OGA: variants seen among roughly 807,000 people sequenced by gnomAD.
OGA encodes O-GlcNAcase.
Under a neutral mutation model 102.0 loss-of-function variants are expected in OGA, and 21 were observed. That is an observed-to-expected ratio of 0.21 (90% CI 0.15 to 0.30). OGA has a LOEUF of 0.30. OGA is among the 10% of genes least tolerant of loss of function. OGA has a pLI of 1.00. For missense variants in OGA, 765 were observed against 1,107.8 expected, an observed-to-expected ratio of 0.69 and a Z score of 4.39; for synonymous variants, 408 against 378.2, an observed-to-expected ratio of 1.08 and a Z score of -0.91.
At chr10:101,809,201 G>C (rs2065516005) in intron 4 of OGA, among the ~76,000 whole-genome samples, 1 of 152,112 alleles carries the variant, frequency 6.6e-6, no homozygotes, top group Admixed American at 6.6e-5. Flanking sequence ...AAGCAGCCTA[G>C]GGTATATATA....
At chr10:101,814,516 G>A (rs1233524773) in intron 1 of OGA, among the ~76,000 whole-genome samples, 2 of 152,170 alleles carry the variant, frequency 1.3e-5, no homozygotes, top group Admixed American at 1.3e-4. Flanking sequence ...TTGAATCCAG[G>A]AGGCGGAGGC....
At position 101,785,502 on chromosome 10, in the gene OGA, G is replaced by C. The variant is rs1021628047; in HGVS notation, c.*949C>G. Reference sequence around the variant, plus strand: ...GACCTAATATTGAGGTTAATTTCCAGAAGTAACTGCACTTTTCAACAGATT... The same window carrying C: ...GACCTAATATTGAGGTTAATTTCCACAAGTAACTGCACTTTTCAACAGATT... On this transcript the variant is annotated 3_prime_UTR_variant, in exon 16 of 16. Transcript: ENST00000361464. 6.6e-6 allele frequency: 1 copy of C among 152,600 alleles called. No homozygotes were observed. Among genetic ancestry groups the C allele is most frequent in the African/African-American group, 2.4e-5 (1 of 41,446 alleles). 9.5% of individuals were successfully genotyped at this position (152,600 alleles called of 1,614,324 possible).
chr10:101,812,586 A>C (rs1016321410), intron 3 of OGA, among the ~76,000 whole-genome samples: 1 of 152,242 alleles, frequency 6.6e-6, no homozygotes, highest in Non-Finnish European at 1.5e-5. Context: ...AGCATTGTGT[A>C]CATCATGAAT....
intron 4 of OGA, 32 bp from the exon 5 acceptor site, chr10:101,807,933 TA>T (rs1025144852): frequency 2.1e-6 from 3 of 1,430,538 alleles, no homozygotes; most frequent in East Asian, 2.5e-5. Context: ...GAATCAAGAG[TA>T]AAAAAATTAA....
At chr10:101,790,147 A>T (rs1234695096) in intron 14 of OGA, among the ~76,000 whole-genome samples, 1 of 152,164 alleles carries the variant, frequency 6.6e-6, no homozygotes, top group Non-Finnish European at 1.5e-5. Context: ...CTTATTTTTA[A>T]ATCACAATGT....
At chr10:101,816,542 C>A (rs2065627560) in intron 1 of OGA, among the ~76,000 whole-genome samples, 1 of 152,202 alleles carries the variant, frequency 6.6e-6, no homozygotes, top group Non-Finnish European at 1.5e-5. Context: ...TCTCTCATCC[C>A]CACTCCAAGA....
rs1017200477 is a variant in OGA, at chr10:101,818,346, G to A, written c.-324C>T. 2.7e-6 allele frequency: 3 copies of A among 1,118,868 alleles called. No individual in the cohort carries two copies. Among genetic ancestry groups the A allele is most frequent in the African/African-American group, 1.6e-5 (1 of 61,238 alleles). The allele number at this position is 1,118,868 out of a possible 1,614,324, so 69.3% of individuals were successfully genotyped here. A position where few individuals can be genotyped will look rare whatever the true frequency, so the allele number is the denominator to read the frequency against. ...GGTCCTGTCCTCGTTCTCTGCCTCT[G>A]CTGCCCTCCCGATAATCTTAGGTCT... On this transcript the variant is annotated 5_prime_UTR_variant, in exon 1 of 16. Transcript: ENST00000361464.
chr10:101,795,822 T>TA (rs1198491202), intron 10 of OGA: 1 of 796,532 alleles, frequency 1.3e-6, no homozygotes, highest in Non-Finnish European at 1.5e-6. Flanking sequence ...AAATAAAAAA[T>TA]AAAAAAACTC....
intron 2 of OGA, 38 bp downstream of exon 2, chr10:101,813,517 T>C (rs572341075): frequency 1.5e-6 from 2 of 1,310,254 alleles, no homozygotes; most frequent in African/African-American, 1.5e-5. Context: ...GTTAAGAGTT[T>C]AAGGTTCTCC....
intron 10 of OGA, chr10:101,796,897 G>A (rs532649109): frequency 6.6e-6 from 1 of 151,904 alleles, no homozygotes; most frequent in African/African-American, 2.4e-5. Flanking sequence ...AAGCTATACA[G>A]AGCCTTTTAA....
At chr10:101,812,403 G>T (rs1193445115) in intron 3 of OGA, among the ~76,000 whole-genome samples, 1 of 151,918 alleles carries the variant, frequency 6.6e-6, no homozygotes, top group Non-Finnish European at 1.5e-5. Context: ...GCAAGACTCT[G>T]TCTCAAAAAA....
At chr10:101,789,829 T>G (rs1295181518) in intron 14 of OGA, among the ~76,000 whole-genome samples, 1 of 152,022 alleles carries the variant, frequency 6.6e-6, no homozygotes, top group Non-Finnish European at 1.5e-5. Context: ...TACAAAAAAG[T>G]TAGCTGATGC....
chr10:101,787,661 C>A, intron 14 of OGA, 138 bp from the exon 15 acceptor site: 1 of 693,444 alleles, frequency 1.4e-6, no homozygotes, highest in Non-Finnish European at 2.3e-6. Context: ...CAGGATTATC[C>A]TATAATTCTA....
At chr10:101,788,690 G>A (rs538295062) in intron 14 of OGA, among the ~76,000 whole-genome samples, 13 of 149,946 alleles carry the variant, frequency 8.7e-5, no homozygotes, top group South Asian at 8.4e-4. Context: ...AGCCGAGATC[G>A]CACCATTGCA....
At chr10:101,796,736 A>C (rs560163560) in intron 10 of OGA, among the ~76,000 whole-genome samples, 1 of 151,804 alleles carries the variant, frequency 6.6e-6, no homozygotes, top group Non-Finnish European at 1.5e-5. Flanking sequence ...ACGCCTGGCT[A>C]ATTTTTGTAT....
rs1024912535 is a variant in OGA, at chr10:101,785,616, A to C, written c.*835T>G. 1 of 152,634 alleles carries C rather than the reference A, an allele frequency of 6.6e-6. No homozygotes were observed. Among genetic ancestry groups the C allele is most frequent in the African/African-American group, 2.4e-5 (1 of 41,466 alleles). The allele number at this position is 152,634 out of a possible 1,614,324, so 9.5% of individuals were successfully genotyped here. The stretch of plus-strand genomic sequence containing the variant: ...CTTTAAAAATAATAAAACTTCAAAA[A>C]GAACAAAAACAACCCCAAACCCAAA... On this transcript the variant is annotated 3_prime_UTR_variant, in exon 16 of 16. Coordinates refer to ENST00000361464, the MANE Select transcript of OGA (RefSeq NM_012215.5).
At position 101,786,231 on chromosome 10, in the gene OGA, C is replaced by G. The variant is rs1049113737; in HGVS notation, c.*220G>C. Reference sequence around the variant, plus strand: ...CCTAACACAAGACTCAAAAAGGAAGCCCACATCTCTCTTTCATACAGGATT... The same window carrying G: ...CCTAACACAAGACTCAAAAAGGAAGGCCACATCTCTCTTTCATACAGGATT... On this transcript the variant is annotated 3_prime_UTR_variant, in exon 16 of 16. Transcript: ENST00000361464. 2.5e-6 allele frequency: 1 copy of G among 393,278 alleles called. No homozygotes were observed. The highest frequency in any genetic ancestry group is 4.4e-6 in the Non-Finnish European group (1 of 227,930). The allele number at this position is 393,278 out of a possible 1,614,324, so 24.4% of individuals were successfully genotyped here.
In OGA at chr10:101,817,980, T is replaced by C. The variant is rs751468999; in HGVS notation, c.43A>G (p.Ser15Gly). ...ESQATLEERESELSSNPAASA... is the reference protein window; with the variant it reads ...ESQATLEEREGELSSNPAASA... Reference sequence around the variant, plus strand: ...GCGGCAGGGTTGGAGCTGAGCTCGCTCTCCCGCTCCTCCAACGTCGCTTGA... The same window carrying C: ...GCGGCAGGGTTGGAGCTGAGCTCGCCCTCCCGCTCCTCCAACGTCGCTTGA... The change falls in exon 1 of 16, where the codon AGC becomes GGC. Residue 15 changes from serine to glycine, a missense_variant. By Grantham distance (56) the Ser-to-Gly change is moderately conservative (BLOSUM62 0). This residue lies in a region of OGA where 117 missense variants were observed against 85.7 expected (regional missense o/e 1.36). Coordinates refer to ENST00000361464, the MANE Select transcript of OGA (RefSeq NM_012215.5). The C allele has an allele frequency of 6.2e-7, 1 of 1,604,482 alleles. No homozygotes were observed. The highest frequency in any genetic ancestry group is 8.5e-7 in the Non-Finnish European group (1 of 1,174,074).
chr10:101,799,249 CCAT>C lies in OGA; in HGVS notation c.1399_1401del (p.Met467del). On this transcript the variant is annotated inframe_deletion, in exon 9 of 16. Coordinates refer to ENST00000361464, the MANE Select transcript of OGA (RefSeq NM_012215.5). ...TCCGTTTCTTCTTGTTTTTCCACCA[CCAT>C]GTCCATGGGTTCTTCATCAGGCTGT... 7 of 1,614,164 alleles carry C rather than the reference CCAT, an allele frequency of 4.3e-6. No homozygotes were observed. Among genetic ancestry groups the C allele is most frequent in the Non-Finnish European group, 5.9e-6 (7 of 1,180,038 alleles).
Sources: allele counts gnomAD v4.1 joint callset (sites outside exome capture counted in the v4.1 genomes callset), GRCh38; gene constraint gnomAD v4.1.1; regional missense constraint gnomAD v4.1.1; transcripts MANE v1.5; gene names NCBI Gene and HGNC (gene_info 2026-07-23, HGNC 2026-07-21).